ZNF420: variants seen among roughly 807,000 people sequenced by gnomAD.
The protein encoded by ZNF420 is ATM and p53-associated KZNF protein.
A neutral mutation model predicts 44.7 loss-of-function variants in ZNF420; 31 were observed. That is an observed-to-expected ratio of 0.69 (90% CI 0.52 to 0.94). The LOEUF (loss-of-function observed/expected upper bound fraction) is 0.94, where lower values mean the gene tolerates loss of function less well. Among genes scored for constraint, ZNF420 ranks in the 40% least tolerant of loss-of-function variants. The probability of loss-of-function intolerance (pLI) is 0.00; values close to 1 mark genes in which losing one functional copy is unlikely to be tolerated. For missense variants in ZNF420, 681 were observed against 827.9 expected, an observed-to-expected ratio of 0.82 and a Z score of 2.18; for synonymous variants, 245 against 267.4, an observed-to-expected ratio of 0.92 and a Z score of 0.82.
intron 4 of ZNF420, among the ~76,000 whole-genome samples, chr19:37,112,828 A>G (rs1012578836): frequency 6.6e-6 from 1 of 152,184 alleles, no homozygotes; most frequent in Non-Finnish European, 1.5e-5. Flanking sequence ...AACTCCCTTT[A>G]GATTTAGACT....
At chr19:37,042,963 GGAGA>G (rs1255286430) in intron 1 of ZNF420, among the ~76,000 whole-genome samples, 2 of 151,432 alleles carry the variant, frequency 1.3e-5, no homozygotes, top group South Asian at 2.1e-4. Context: ...AGAGAGCCAA[GGAGA>G]GAGAGAGAGA....
chr19:37,025,911 G>A (rs567407126), intron 1 of ZNF420, among the ~76,000 whole-genome samples: 1 of 151,780 alleles, frequency 6.6e-6, no homozygotes, highest in African/African-American at 2.4e-5. Context: ...AAAGTGTTGG[G>A]ATTACAAATC....
intron 2 of ZNF420, among the ~76,000 whole-genome samples, chr19:37,080,950 G>A (rs896741579): frequency 1.4e-4 from 21 of 151,420 alleles, no homozygotes; most frequent in Admixed American, 3.3e-4. Flanking sequence ...CCAGCTACTC[G>A]GGAGACTGAG....
intron 1 of ZNF420, among the ~76,000 whole-genome samples, chr19:37,042,151 A>G (rs1476667618): frequency 3.9e-5 from 6 of 152,172 alleles, no homozygotes; most frequent in Non-Finnish European, 8.8e-5. Context: ...GGTGCCCACC[A>G]TCATGCCTGG....
intron 1 of ZNF420, among the ~76,000 whole-genome samples, chr19:37,044,711 C>T (rs989225023): frequency 3.3e-5 from 5 of 151,974 alleles, no homozygotes; most frequent in African/African-American, 1.2e-4. Flanking sequence ...ACTAAAAATA[C>T]AAAAGATTAG....
intron 1 of ZNF420, among the ~76,000 whole-genome samples, chr19:37,064,711 T>G (rs1034418923): frequency 6.6e-6 from 1 of 152,230 alleles, no homozygotes; most frequent in East Asian, 1.9e-4. Flanking sequence ...CAAGCTACAG[T>G]GCAGTGCTTT....
At chr19:37,126,557 AG>A (rs1241043429) in intron 4 of ZNF420, among the ~76,000 whole-genome samples, 1 of 152,198 alleles carries the variant, frequency 6.6e-6, no homozygotes, top group Non-Finnish European at 1.5e-5. Context: ...ATCAGTTGAT[AG>A]GAAGGATTAA....
chr19:37,079,994 C>CTAAA (rs936907337), intron 1 of ZNF420, among the ~76,000 whole-genome samples: 9 of 152,010 alleles, frequency 5.9e-5, no homozygotes, highest in African/African-American at 1.2e-4. Flanking sequence ...AACTCATTCT[C>CTAAA]TAAATAAATA....
chr19:37,129,141 C>T lies in ZNF420; in HGVS notation c.*83C>T, dbSNP rs1442835869. 6.0e-6 allele frequency: 9 copies of T among 1,491,172 alleles called. No individual in the cohort carries two copies. The highest frequency in any genetic ancestry group is 2.3e-5 in the East Asian group (1 of 43,944). 92.4% of individuals were successfully genotyped at this position (1,491,172 alleles called of 1,614,324 possible). A position where few individuals can be genotyped will look rare whatever the true frequency, so the allele number is the denominator to read the frequency against. On this transcript the variant is annotated 3_prime_UTR_variant, in exon 5 of 5. Coordinates refer to ENST00000337995, the MANE Select transcript of ZNF420 (RefSeq NM_144689.5). The stretch of plus-strand genomic sequence containing the variant: ...ATTCTCACAAATGTGAATATGGGCG[C>T]ACATTTGCCTCATAAAGCACAGCAT...
At chr19:37,019,769 C>A (rs531360721) in intron 1 of ZNF420, among the ~76,000 whole-genome samples, 106 of 141,598 alleles carry the variant, frequency 7.5e-4, no homozygotes, top group Middle Eastern at 3.8e-3. Flanking sequence ...TCATCTGTCA[C>A]AAAAAAAAAA....
At chr19:37,074,377 G>A (rs557028470), upstream of ZNF420, among the ~76,000 whole-genome samples, 1 of 152,196 alleles carries the variant, frequency 6.6e-6, no homozygotes, top group African/African-American at 2.4e-5. Flanking sequence ...ACCTAATTAT[G>A]ACAGAGCAAT....
rs575878416 is a variant in ZNF420 at position 37,115,882 on chromosome 19, G to A, written c.137-11246G>A. Among the ~76,000 whole-genome samples, 13 of 152,220 alleles carry A rather than the reference G, an allele frequency of 8.5e-5. No individual in the cohort carries two copies. The East Asian group carries it at 2.3e-3, about 27-fold the overall frequency. ...CCTGTGGCCTTCCACAGTGTATTGT[G>A]TCCCTGGGTACTTGAGATTAGAGAA... On this transcript the variant is annotated intron_variant, in intron 4 of 4. Transcript: ENST00000337995.
intron 2 of ZNF420, among the ~76,000 whole-genome samples, chr19:37,084,673 ATTTG>A (rs891447357): frequency 3.3e-5 from 5 of 152,064 alleles, no homozygotes; most frequent in African/African-American, 1.2e-4. Flanking sequence ...TGGACAGTTT[ATTTG>A]TTTGTTTCTC....
Position 37,128,123 on chromosome 19 carries a change from C to T in ZNF420, c.1132C>T (p.Leu378Phe), listed in dbSNP as rs1311642255. Reference sequence around the variant, plus strand: ...GAAGGCCTTTATCCGTGGCTCACAACTTACTCAACACCAGAGAATTCACAC... The same window carrying T: ...GAAGGCCTTTATCCGTGGCTCACAATTTACTCAACACCAGAGAATTCACAC... The part of the protein sequence containing the change: ...CGKAFIRGSQ[L>F]TQHQRIHTNE... The change falls in exon 5 of 5, where the codon CTT becomes TTT. Residue 378 changes from leucine to phenylalanine, a missense_variant. This residue lies in a region of ZNF420 where 51 missense variants were observed against 106.8 expected (regional missense o/e 0.48). Transcript: ENST00000337995. The T allele has an allele frequency of 6.2e-7, 1 of 1,614,066 alleles. No homozygotes were observed. The highest frequency in any genetic ancestry group is 8.5e-7 in the Non-Finnish European group (1 of 1,179,996).
At chr19:37,051,961 G>T (rs1967647231) in intron 1 of ZNF420, among the ~76,000 whole-genome samples, 3 of 152,070 alleles carry the variant, frequency 2.0e-5, no homozygotes, top group South Asian at 2.1e-4. Flanking sequence ...TGACAGTGGG[G>T]TGTTAAAGTC....
At chr19:37,112,531 A>G (rs955946141) in intron 4 of ZNF420, among the ~76,000 whole-genome samples, 4 of 152,286 alleles carry the variant, frequency 2.6e-5, no homozygotes, top group South Asian at 2.1e-4. Context: ...AAGCAATGAT[A>G]GAGACATCTG....
chr19:37,073,751 G>GAAAAA (rs71177422), upstream of ZNF420, among the ~76,000 whole-genome samples: 40 of 100,650 alleles, frequency 4.0e-4, no homozygotes, highest in Admixed American at 4.3e-4. Context: ...CCTGAAAAAA[G>GAAAAA]AAAAAAAAAA....
intron 1 of ZNF420, among the ~76,000 whole-genome samples, chr19:37,025,945 C>A (rs1473342300): frequency 6.6e-6 from 1 of 151,380 alleles, no homozygotes; most frequent in African/African-American, 2.4e-5. Context: ...CTGGCCTAAG[C>A]CTGTCTTCTT....
intron 1 of ZNF420, among the ~76,000 whole-genome samples, chr19:37,062,036 G>A (rs930683806): frequency 2.6e-5 from 4 of 152,118 alleles, no homozygotes; most frequent in African/African-American, 9.7e-5. Flanking sequence ...TATAATTTGC[G>A]CATGTCACAC....
Sources: gnomAD v4.1 joint callset for allele counts (sites outside exome capture counted in the v4.1 genomes callset) on GRCh38, gnomAD v4.1.1 for gene constraint, gnomAD v4.1.1 regional missense constraint, MANE v1.5 for transcripts, NCBI Gene and HGNC (gene_info 2026-07-23, HGNC 2026-07-21) for gene names.